PCSK5: variants seen among roughly 807,000 people sequenced by gnomAD.
PCSK5 encodes prohormone convertase 5.
PCSK5 carries 129 observed loss-of-function variants against 233.2 expected under a neutral mutation model. The observed-to-expected ratio is 0.55, with a 90% CI of 0.48 to 0.64. The LOEUF (loss-of-function observed/expected upper bound fraction) is 0.64, where lower values mean the gene tolerates loss of function less well. Among genes scored for constraint, PCSK5 ranks in the 30% least tolerant of loss-of-function variants. The pLI is 0.00. For synonymous variants in PCSK5, 825 were observed against 879.2 expected (o/e 0.94, Z 1.09); for missense variants, 2,076 against 2,430.1 (o/e 0.85, Z 3.06).
chr9:76,193,366 A>G lies in PCSK5; in HGVS notation c.2626+3620A>G, dbSNP rs371526542. On this transcript the variant is annotated intron_variant, in intron 20 of 37. Transcript: ENST00000674117. ...TTTCAAGGCTGAGCAGCCATCTTAG[A>G]TTTCTTTGTTCCTGTAGACTTATAG... is the stretch of plus-strand genomic sequence containing the variant. The G allele has an allele frequency of 3.1e-6, 5 of 1,602,478 alleles. No individual in the cohort carries two copies. The African/African-American group carries it at 6.8e-5, about 22-fold the overall frequency.
intron 24 of PCSK5, among the ~76,000 whole-genome samples, chr9:76,285,470 C>T (rs1828034177): frequency 6.6e-6 from 1 of 152,086 alleles, no homozygotes; most frequent in East Asian, 1.9e-4. Context: ...TTGCCATGCC[C>T]ATTCGTCTGT....
intron 33 of PCSK5, among the ~76,000 whole-genome samples, chr9:76,331,683 A>G (rs1303528630): frequency 1.4e-5 from 2 of 143,900 alleles, no homozygotes; most frequent in Non-Finnish European, 3.1e-5. Context: ...AAAAAAAAAG[A>G]GAGATGCCAG....
intron 9 of PCSK5, among the ~76,000 whole-genome samples, chr9:76,111,392 A>G (rs1218708077): frequency 6.6e-6 from 1 of 152,154 alleles, no homozygotes; most frequent in Admixed American, 6.6e-5. Flanking sequence ...CAGTCTCATC[A>G]TGAGTCTTGC....
At chr9:76,031,945 C>T (rs570719991) in intron 5 of PCSK5, among the ~76,000 whole-genome samples, 11 of 152,182 alleles carry the variant, frequency 7.2e-5, no homozygotes, top group South Asian at 2.1e-4. Context: ...GGTTTGTCTG[C>T]GTCCTTGGGG....
chr9:76,287,382 C>T (rs868101891), intron 24 of PCSK5: 3 of 186,504 alleles, frequency 1.6e-5, no homozygotes, highest in Non-Finnish European at 3.8e-5. Flanking sequence ...GTCTTCCATT[C>T]GAGTTAGAAA....
At chr9:76,161,715 A>G (rs1039765437) in intron 12 of PCSK5, among the ~76,000 whole-genome samples, 1 of 152,190 alleles carries the variant, frequency 6.6e-6, no homozygotes, top group Non-Finnish European at 1.5e-5. Context: ...CAGAGGAGCT[A>G]TGGATTCCAT....
Position 75,921,453 on chromosome 9 carries a change from C to T in PCSK5, c.193-10926C>T, listed in dbSNP as rs1305757966. ...AATATGTACTATTTTCTGTTTGTTT[C>T]CATCTATGTGGCAATGCTTCCGGTT... On this transcript the variant is annotated intron_variant, in intron 1 of 37. Transcript: ENST00000674117. Among the ~76,000 whole-genome samples the T allele has an allele frequency of 2.0e-5, 3 of 152,074 alleles. No homozygotes were observed. In the East Asian group the frequency reaches 5.8e-4, roughly 29 times the overall value.
intron 10 of PCSK5, among the ~76,000 whole-genome samples, chr9:76,136,596 T>A (rs1312178797): frequency 6.6e-6 from 1 of 151,984 alleles, no homozygotes; most frequent in East Asian, 1.9e-4. Flanking sequence ...CCCTTCTTTG[T>A]CCCACCCAAC....
At chr9:76,155,677 T>C (rs1196355489) in intron 10 of PCSK5, among the ~76,000 whole-genome samples, 2 of 152,216 alleles carry the variant, frequency 1.3e-5, no homozygotes, top group East Asian at 1.9e-4. Flanking sequence ...GGCAGATGGA[T>C]TGACAAATTA....
At chr9:75,981,130 C>T (rs1826257115) in intron 2 of PCSK5, among the ~76,000 whole-genome samples, 1 of 152,132 alleles carries the variant, frequency 6.6e-6, no homozygotes, top group African/African-American at 2.4e-5. Context: ...TACTACACTC[C>T]TTTATGAATA....
In PCSK5 at chr9:76,136,307, G is replaced by C. The variant is rs1321071176; in HGVS notation, c.1312+2095G>C. On this transcript the variant is annotated intron_variant, in intron 10 of 37. Transcript: ENST00000674117. ...CACAGATAAATGTGATTAAGGCAGA[G>C]GCTAGCAGGAGAAGCAACATGCTTT... Among the ~76,000 whole-genome samples, 4 of 152,076 alleles carry C rather than the reference G, an allele frequency of 2.6e-5. No homozygotes were observed. In the East Asian group the frequency reaches 7.7e-4, roughly 29 times the overall value.
intron 14 of PCSK5, among the ~76,000 whole-genome samples, chr9:76,178,377 T>A (rs1587723003): frequency 6.6e-6 from 1 of 152,218 alleles, no homozygotes; most frequent in East Asian, 1.9e-4. Context: ...AGTACGTGAT[T>A]TGCTACATCT....
At chr9:76,186,681 C>A (rs1362054340) in intron 17 of PCSK5, among the ~76,000 whole-genome samples, 2 of 152,056 alleles carry the variant, frequency 1.3e-5, no homozygotes, top group African/African-American at 4.8e-5. Context: ...TGAACAGATG[C>A]CAACCTCACA....
chr9:76,153,369 G>GC (rs1460771016), intron 10 of PCSK5, among the ~76,000 whole-genome samples: 1 of 152,100 alleles, frequency 6.6e-6, no homozygotes, highest in Non-Finnish European at 1.5e-5. Context: ...GAATGTTTCT[G>GC]CCCCCACTCT....
intron 34 of PCSK5, among the ~76,000 whole-genome samples, chr9:76,333,499 G>A (rs760235620): frequency 3.3e-5 from 5 of 152,130 alleles, no homozygotes; most frequent in African/African-American, 9.7e-5. Context: ...GTAGACACAC[G>A]CACTTGATGT....
At chr9:75,940,788 A>G (rs924168629) in intron 2 of PCSK5, among the ~76,000 whole-genome samples, 5 of 152,148 alleles carry the variant, frequency 3.3e-5, no homozygotes, top group African/African-American at 1.2e-4. Flanking sequence ...TTTCTTTACT[A>G]CTACTAATTG....
At chr9:76,250,642 C>G (rs968409915) in intron 24 of PCSK5, among the ~76,000 whole-genome samples, 3 of 152,104 alleles carry the variant, frequency 2.0e-5, no homozygotes, top group Non-Finnish European at 2.9e-5. Context: ...GTTCATTAAA[C>G]AAGTCAAGTC....
intron 3 of PCSK5, among the ~76,000 whole-genome samples, chr9:76,010,666 C>A (rs1008504199): frequency 6.6e-6 from 1 of 152,116 alleles, no homozygotes; most frequent in Non-Finnish European, 1.5e-5. Flanking sequence ...GAAAACATAC[C>A]ACTGTCAGAC....
At chr9:76,049,637 A>C (rs930957204) in intron 5 of PCSK5, among the ~76,000 whole-genome samples, 9 of 152,216 alleles carry the variant, frequency 5.9e-5, no homozygotes, top group Non-Finnish European at 1.2e-4. Flanking sequence ...AGTGTATTGC[A>C]GAAGAAGCTT....
Sources: gnomAD v4.1 joint callset for allele counts (sites outside exome capture counted in the v4.1 genomes callset) on GRCh38, gnomAD v4.1.1 for gene constraint, MANE v1.5 for transcripts, NCBI Gene and HGNC (gene_info 2026-07-23, HGNC 2026-07-21) for gene names.